ALG9: variants seen among roughly 807,000 people sequenced by gnomAD.
ALG9 encodes ALG9 alpha-1,2-mannosyltransferase.
ALG9 carries 55 observed loss-of-function variants against 81.8 expected under a neutral mutation model. That is an observed-to-expected ratio of 0.67 (90% confidence interval 0.54 to 0.84). The LOEUF (loss-of-function observed/expected upper bound fraction) is 0.84. Ranked by LOEUF, ALG9 falls within the 40% of genes least tolerant of loss-of-function variation. ALG9 has a pLI of 0.00. For synonymous variants in ALG9, 278 were observed against 274.3 expected, an observed-to-expected ratio of 1.01 and a Z score of -0.13; for missense variants, 629 against 745.0, an observed-to-expected ratio of 0.84 and a Z score of 1.81.
At chr11:111,817,573 C>T (rs1951689499) in intron 13 of ALG9, 1 of 152,154 alleles carries the variant, frequency 6.6e-6, no homozygotes, top group Non-Finnish European at 1.5e-5. Context: ...CTACCTCAGC[C>T]TCCTAAGTAG....
At chr11:111,862,493 C>T (rs1338824111) in intron 4 of ALG9, among the ~76,000 whole-genome samples, 2 of 151,710 alleles carry the variant, frequency 1.3e-5, no homozygotes, top group Non-Finnish European at 2.9e-5. Flanking sequence ...CTCGGCCTCC[C>T]TAAGTGCTGG....
chr11:111,783,004 T>C lies in ALG9; in HGVS notation c.*3393A>G, dbSNP rs1946079916. The C allele has an allele frequency of 6.6e-6, 1 of 152,332 alleles. No individual in the cohort carries two copies. The highest frequency in any genetic ancestry group is 1.9e-4 in the East Asian group (1 of 5,184). 9.4% of individuals were successfully genotyped at this position (152,332 alleles called of 1,614,324 possible). A position where few individuals can be genotyped will look rare whatever the true frequency, so the allele number is the denominator to read the frequency against. ...ACACCTACCAGGTAGGAGGTAAATTTTGGTAGCAGATGCCTACCGTGCAGA... is the reference window on the plus strand; with the variant it reads ...ACACCTACCAGGTAGGAGGTAAATTCTGGTAGCAGATGCCTACCGTGCAGA... On this transcript the variant is annotated 3_prime_UTR_variant, in exon 15 of 15. Coordinates refer to ENST00000616540, the MANE Select transcript of ALG9 (RefSeq NM_024740.2).
intron 13 of ALG9, among the ~76,000 whole-genome samples, chr11:111,828,343 C>T (rs535069783): frequency 1.3e-5 from 2 of 152,340 alleles, no homozygotes; most frequent in East Asian, 1.9e-4. Flanking sequence ...CAAACCCCAA[C>T]AACCAGAAAA....
At chr11:111,823,379 A>G (rs192175252) in intron 13 of ALG9, among the ~76,000 whole-genome samples, 2 of 152,334 alleles carry the variant, frequency 1.3e-5, no homozygotes, top group East Asian at 3.9e-4. Context: ...ACATTTCCAT[A>G]TTAAAAGCCC....
chr11:111,843,923 T>G (rs1956585241), intron 9 of ALG9, among the ~76,000 whole-genome samples: 1 of 152,260 alleles, frequency 6.6e-6, no homozygotes, highest in Admixed American at 6.5e-5. Flanking sequence ...TTTGAAGTAC[T>G]ATCTCGTGGA....
chr11:111,827,751 C>CT (rs1384525434), intron 13 of ALG9, among the ~76,000 whole-genome samples: 9 of 151,392 alleles, frequency 5.9e-5, no homozygotes, highest in African/African-American at 2.2e-4. Context: ...ACCTGTAATC[C>CT]CAGCTACTCG....
At chr11:111,860,770 G>C in intron 4 of ALG9, 135 bp from the exon 5 acceptor site, 1 of 667,614 alleles carries the variant, frequency 1.5e-6, no homozygotes, top group South Asian at 1.9e-5. Flanking sequence ...AGGTTTGTTA[G>C]CAATTCACTG....
At chr11:111,807,693 G>A (rs1478553391) in intron 14 of ALG9, among the ~76,000 whole-genome samples, 1 of 152,032 alleles carries the variant, frequency 6.6e-6, no homozygotes, top group Non-Finnish European at 1.5e-5. Context: ...AATTTGTTAA[G>A]GGCCAGGTGT....
rs781783210 is a variant in ALG9, at chr11:111,786,536, T to TA, written c.1734-17dup. On this transcript the variant is annotated splice_polypyrimidine_tract_variant and intron_variant, in intron 14 of 14. Transcript: ENST00000616540. The stretch of plus-strand genomic sequence containing the variant: ...CTTTGAAGATCTGAAAAACAAGGGA[T>TA]AAAAAAAAGAATTTTATCACTTGGG... 6 of 1,612,772 alleles carry TA rather than the reference T, an allele frequency of 3.7e-6. No homozygotes were observed. The highest frequency in any genetic ancestry group is 1.3e-5 in the African/African-American group (1 of 74,786).
Position 111,783,852 on chromosome 11 carries a change from A to G in ALG9, c.*2545T>C, listed in dbSNP as rs932451638. ...CAGGTTTTAAAAGTGATAGGAACTG[A>G]TATTTCCAAGGAATCCCTGCATCAG... On this transcript the variant is annotated 3_prime_UTR_variant, in exon 15 of 15. Transcript: ENST00000616540. The G allele has an allele frequency of 5.3e-5, 8 of 151,992 alleles. No homozygotes were observed. The highest frequency in any genetic ancestry group is 2.1e-4 in the South Asian group (1 of 4,830). 9.4% of individuals were successfully genotyped at this position (151,992 alleles called of 1,614,324 possible).
intron 4 of ALG9, among the ~76,000 whole-genome samples, chr11:111,861,419 T>C (rs1480195373): frequency 2.0e-5 from 3 of 152,248 alleles, no homozygotes; most frequent in Non-Finnish European, 4.4e-5. Flanking sequence ...AATCTGTTAA[T>C]GATAAATTCC....
chr11:111,784,971 C>G lies in ALG9; in HGVS notation c.*1426G>C, dbSNP rs1946317492. 2 of 152,600 alleles carry G rather than the reference C, an allele frequency of 1.3e-5. No individual in the cohort carries two copies. The highest frequency in any genetic ancestry group is 4.1e-4 in the South Asian group (2 of 4,832). The allele number at this position is 152,600 out of a possible 1,614,324, so 9.5% of individuals were successfully genotyped here. A position where few individuals can be genotyped will look rare whatever the true frequency, so the allele number is the denominator to read the frequency against. On this transcript the variant is annotated 3_prime_UTR_variant, in exon 15 of 15. Coordinates refer to ENST00000616540, the MANE Select transcript of ALG9 (RefSeq NM_024740.2). The stretch of plus-strand genomic sequence containing the variant: ...TGTGCTGGTCTAACACACAGGCAGA[C>G]TGGAGGCTCCAAAGAACTCAAATAC...
At chr11:111,799,206 G>T (rs1220384990) in intron 14 of ALG9, among the ~76,000 whole-genome samples, 1 of 152,132 alleles carries the variant, frequency 6.6e-6, no homozygotes, top group African/African-American at 2.4e-5. Flanking sequence ...GAATGCAGTG[G>T]TGCGATCTCG....
chr11:111,770,974 C>G, the ALG9 span: 1 of 152,234 alleles, frequency 6.6e-6, no homozygotes, highest in Non-Finnish European at 1.5e-5. Flanking sequence ...AGTTCTGACA[C>G]CCACATGCAG....
chr11:111,786,821 G>A (rs1170575392), intron 14 of ALG9, among the ~76,000 whole-genome samples: 1 of 152,128 alleles, frequency 6.6e-6, no homozygotes, highest in African/African-American at 2.4e-5. Flanking sequence ...GTCAATCAAA[G>A]GACTTCTATT....
intron 13 of ALG9, among the ~76,000 whole-genome samples, chr11:111,827,760 C>T (rs1195477470): frequency 1.3e-5 from 2 of 150,338 alleles, no homozygotes; most frequent in East Asian, 2.0e-4. Context: ...CCCAGCTACT[C>T]GGTAGCTGAG....
chr11:111,773,020 C>T, the ALG9 span, among the ~76,000 whole-genome samples: 26 of 151,768 alleles, frequency 1.7e-4, no homozygotes, highest in African/African-American at 6.0e-4. Flanking sequence ...AGGCGGATCA[C>T]GAGGTCAGGA....
intron 13 of ALG9, among the ~76,000 whole-genome samples, chr11:111,825,775 C>T (rs1170464659): frequency 4.6e-5 from 7 of 152,178 alleles, no homozygotes; most frequent in Non-Finnish European, 7.4e-5. Flanking sequence ...CAGCCGGGCG[C>T]GGTGGCTCAC....
Position 111,865,263 on chromosome 11 carries a change from C to A in ALG9, c.406-12G>T, listed in dbSNP as rs1272896567. 2.6e-6 allele frequency: 4 copies of A among 1,546,764 alleles called. No homozygotes were observed. The highest frequency in any genetic ancestry group is 2.0e-5 in the Admixed American group (1 of 50,324). ...TAAAACACAAGAATCTAAAAGAAACCCAGAAAAAGAAAACAGAAGTCACAG... is the reference window on the plus strand; with the variant it reads ...TAAAACACAAGAATCTAAAAGAAACACAGAAAAAGAAAACAGAAGTCACAG... On this transcript the variant is annotated splice_polypyrimidine_tract_variant and intron_variant, in intron 3 of 14. Coordinates refer to ENST00000616540, the MANE Select transcript of ALG9 (RefSeq NM_024740.2).
Sources: allele counts gnomAD v4.1 joint callset (sites outside exome capture counted in the v4.1 genomes callset), GRCh38; gene constraint gnomAD v4.1.1; transcripts MANE v1.5; gene names NCBI Gene and HGNC (gene_info 2026-07-23, HGNC 2026-07-21).